The following PPP2R3B variants were observed in gnomAD, a reference collection of about 807,000 sequenced individuals.
The protein encoded by PPP2R3B is protein phosphatase 2 regulatory subunit B''beta, also known as serine/threonine-protein phosphatase 2A regulatory subunit B'' subunit beta.
A neutral mutation model predicts 72.9 loss-of-function variants in PPP2R3B; 68 were observed. The ratio of observed to expected loss-of-function variants is 0.93; its 90% CI spans 0.77 to 1.14. The LOEUF is 1.14. Among genes scored for constraint, PPP2R3B ranks in the 50% most tolerant of loss-of-function variants. The pLI, the probability that PPP2R3B is intolerant of heterozygous loss-of-function variation, is 0.00. For synonymous variants in PPP2R3B, 466 were observed against 375.8 expected (o/e 1.24, Z -2.78); for missense variants, 1,018 against 842.0 (o/e 1.21, Z -2.59).
chrX:362,162 A>C, intron 1 of PPP2R3B: 1 of 162,682 alleles, frequency 6.1e-6, no homozygotes, highest in Non-Finnish European at 1.3e-5. Context: ...TCAGCCCCTC[A>C]CCCGGTGCAC....
At position 341,581 on chromosome X, in the gene PPP2R3B, C is replaced by T; in HGVS notation, c.1086-185G>A. On this transcript the variant is annotated intron_variant, in intron 8 of 12. Transcript: ENST00000390665. ...GGAGGCCCCGTGGCCAGAGGGTTTT[C>T]CCCAGATCCAGGCAGGGTCAGGAGT... is the stretch of plus-strand genomic sequence containing the variant. The T allele has an allele frequency of 6.0e-5, 41 of 688,262 alleles. 1 individual carries two copies. The South Asian group carries it at 7.1e-4, about 12-fold the overall frequency. The allele number at this position is 688,262 out of a possible 1,614,324, so 42.6% of individuals were successfully genotyped here.
intron 1 of PPP2R3B, among the ~76,000 whole-genome samples, chrX:371,191 G>A (rs1181398788): frequency 4.6e-5 from 7 of 152,068 alleles, no homozygotes; most frequent in South Asian, 2.1e-4. Context: ...GCAGCTGCAC[G>A]GCCCCACTCC....
At chrX:342,289 G>A in intron 7 of PPP2R3B, 1 of 407,854 alleles carries the variant, frequency 2.5e-6, no homozygotes, top group African/African-American at 2.1e-5. Context: ...TTCACCAACG[G>A]GAGACGGGAG....
At chrX:341,827 G>C in intron 8 of PPP2R3B, 56 bp downstream of exon 8, 1 of 1,585,780 alleles carries the variant, frequency 6.3e-7, no homozygotes, top group Non-Finnish European at 8.7e-7. Flanking sequence ...ATGAGGAGAG[G>C]GACCGGGGTC....
Position 347,707 on chromosome X carries a change from G to C in PPP2R3B, c.511-14C>G, listed in dbSNP as rs371637419. 6.6e-7 allele frequency: 1 copy of C among 1,506,280 alleles called. No homozygotes were observed. Among genetic ancestry groups the C allele is most frequent in the South Asian group, 1.3e-5 (1 of 79,272 alleles). The allele number at this position is 1,506,280 out of a possible 1,614,324, so 93.3% of individuals were successfully genotyped here. A position where few individuals can be genotyped will look rare whatever the true frequency, so the allele number is the denominator to read the frequency against. ...GCAGCCGCAGGCCTGGGGCAGAGAG[G>C]GCAGGAGTGGGCAGTCAGCAGGGCC... On this transcript the variant is annotated splice_polypyrimidine_tract_variant and intron_variant, in intron 2 of 12. Transcript: ENST00000390665.
intron 2 of PPP2R3B, among the ~76,000 whole-genome samples, chrX:356,820 CACGGGAG>C (rs2071443419): frequency 9.0e-6 from 1 of 111,290 alleles, no homozygotes. Flanking sequence ...TGGCCAGCCA[CACGGGAG>C]CCCCACGGTA....
intron 12 of PPP2R3B, chrX:335,381 G>A (rs1389740932): frequency 3.3e-5 from 5 of 152,466 alleles, no homozygotes; most frequent in Non-Finnish European, 7.3e-5. Flanking sequence ...TGGGGACCCA[G>A]AGGTTGGCTG....
In PPP2R3B at chrX:364,617, C is replaced by T. The variant is rs1161881217; in HGVS notation, c.325-3027G>A. 2.7e-5 allele frequency among the ~76,000 whole-genome samples: 4 copies of T among 146,920 alleles called. No homozygotes were observed. In the South Asian group the frequency reaches 8.7e-4, roughly 32 times the overall value. ...CCTGTACTCCCAGCTACTCGGGAGG[C>T]TGAGGCAGGAGAATCGCTTCAACAC... is the stretch of plus-strand genomic sequence containing the variant. On this transcript the variant is annotated intron_variant, in intron 1 of 12. Transcript: ENST00000390665.
chrX:345,793 C>A, intron 6 of PPP2R3B, 121 bp from the exon 7 acceptor site: 1 of 236,500 alleles, frequency 4.2e-6, no homozygotes, highest in Non-Finnish European at 7.8e-6. Context: ...GTGGGGGGGA[C>A]TGGGCAGCTG....
chrX:354,056 GACCGGGGCTCGCCCAAAGACCGGGGCTCA>G (rs1569395403), intron 2 of PPP2R3B, among the ~76,000 whole-genome samples: 16 of 135,100 alleles, frequency 1.2e-4, no homozygotes, highest in African/African-American at 4.8e-4. Flanking sequence ...CTCACCCAAA[GACCGGGGCTCGCCCAAAGACCGGGGCTCA>G]CCCAGGGACC....
intron 7 of PPP2R3B, 162 bp from the exon 8 acceptor site, chrX:342,093 G>C (rs1276413728): frequency 2.6e-6 from 2 of 768,352 alleles, no homozygotes; most frequent in Non-Finnish European, 2.3e-6. Flanking sequence ...GCCCATCCTA[G>C]GGGCCCACCA....
intron 1 of PPP2R3B, among the ~76,000 whole-genome samples, chrX:363,634 C>CATCCCACAATGCATCTCCCCAAGCCCGCG (rs2071608049): frequency 5.3e-4 from 2 of 3,782 alleles, no homozygotes; most frequent in African/African-American, 2.1e-3. Context: ...CCGAGCCCAC[C>CATCCCACAATGCATCTCCCCAAGCCCGCG]ATCCCACAGT....
At chrX:380,734 C>T (rs978113481) in intron 1 of PPP2R3B, among the ~76,000 whole-genome samples, 2 of 138,102 alleles carry the variant, frequency 1.4e-5, no homozygotes, top group Non-Finnish European at 3.0e-5. Flanking sequence ...TGTAGTGAGC[C>T]GAAATTGCGT....
At chrX:368,856 C>G (rs111614969) in intron 1 of PPP2R3B, among the ~76,000 whole-genome samples, 140 of 62,574 alleles carry the variant, frequency 2.2e-3, no homozygotes, top group African/African-American at 3.1e-3. Context: ...GGGCACCGAC[C>G]GGGGGAAGGC....
chrX:364,611 G>A (rs942040281), intron 1 of PPP2R3B, among the ~76,000 whole-genome samples: 9 of 147,848 alleles, frequency 6.1e-5, no homozygotes, highest in Non-Finnish European at 1.0e-4. Flanking sequence ...CCAGCTACTC[G>A]GGAGGCTGAG....
At chrX:375,909 C>T (rs754256839) in intron 1 of PPP2R3B, among the ~76,000 whole-genome samples, 2 of 151,506 alleles carry the variant, frequency 1.3e-5, no homozygotes, top group Admixed American at 1.3e-4. Context: ...ACTTTTGGAA[C>T]ACAGCCAGGC....
intron 1 of PPP2R3B, among the ~76,000 whole-genome samples, chrX:377,953 A>G (rs1328908252): frequency 7.7e-6 from 1 of 130,486 alleles, no homozygotes; most frequent in Non-Finnish European, 1.6e-5. Flanking sequence ...ACACTACTGT[A>G]TGCAGGGACG....
chrX:383,837 CAAA>C (rs757960788), intron 1 of PPP2R3B, among the ~76,000 whole-genome samples: 8 of 45,616 alleles, frequency 1.8e-4, no homozygotes, highest in South Asian at 1.4e-3. Context: ...GACTCCGTCT[CAAA>C]AAAAAAAAAA....
intron 2 of PPP2R3B, among the ~76,000 whole-genome samples, chrX:356,883 CCCG>C (rs1569397892): frequency 1.5e-4 from 13 of 85,764 alleles, no homozygotes; most frequent in Admixed American, 4.1e-4. Flanking sequence ...GTATCCACAC[CCCG>C]CCAGCCACAC....
Sources: allele counts gnomAD v4.1 joint callset (sites outside exome capture counted in the v4.1 genomes callset), GRCh38; gene constraint gnomAD v4.1.1; transcripts MANE v1.5; gene names NCBI Gene and HGNC (gene_info 2026-07-23, HGNC 2026-07-21).